The following RTRAF variants were observed in gnomAD, a reference collection of about 807,000 sequenced individuals.
RTRAF encodes the protein RNA transcription, translation and transport factor, also known as tRNA-splicing ligase complex subunit RTRAF.
A neutral mutation model predicts 34.4 loss-of-function variants in RTRAF; 14 were observed. The observed-to-expected ratio is 0.41, with a 90% CI of 0.27 to 0.64. RTRAF has a LOEUF of 0.64. Among genes scored for constraint, RTRAF ranks in the 30% least tolerant of loss-of-function variants. The probability of loss-of-function intolerance (pLI) is 0.34; values close to 1 mark genes in which losing one functional copy is unlikely to be tolerated. For synonymous variants in RTRAF, 96 were observed against 95.3 expected, an observed-to-expected ratio of 1.01 and a Z score of -0.04; for missense variants, 291 against 288.4, an observed-to-expected ratio of 1.01 and a Z score of -0.06.
intron 3 of RTRAF, among the ~76,000 whole-genome samples, chr14:51,995,832 C>T (rs992119701): frequency 2.0e-4 from 31 of 151,550 alleles, no homozygotes; most frequent in African/African-American, 7.3e-4. Context: ...ACTTTTCTTT[C>T]TTTAGAAAAT....
At chr14:52,001,948 G>C in intron 6 of RTRAF, 82 bp downstream of exon 6, 1 of 1,165,660 alleles carries the variant, frequency 8.6e-7, no homozygotes, top group Non-Finnish European at 1.2e-6. Context: ...GCATGTATCT[G>C]TTTAAGATAT....
chr14:52,002,617 T>A (rs910527044), intron 6 of RTRAF, among the ~76,000 whole-genome samples: 2 of 152,164 alleles, frequency 1.3e-5, no homozygotes, highest in East Asian at 3.8e-4. Context: ...ATATCAGAAA[T>A]CCAAAGATGC....
chr14:52,008,544 C>T lies in RTRAF; in HGVS notation c.*4028C>T, dbSNP rs1890883642. ...CTTACACAGCAGTAGGTAACTAATA[C>T]ACAGCCATATTCCACTTTTACCTGT... On this transcript the variant is annotated 3_prime_UTR_variant, in exon 8 of 8. Coordinates refer to ENST00000261700, the MANE Select transcript of RTRAF (RefSeq NM_016039.3). The T allele has an allele frequency of 8.5e-5, 13 of 152,358 alleles. No individual in the cohort carries two copies. The highest frequency in any genetic ancestry group is 8.5e-4 in the Admixed American group (13 of 15,302). 9.4% of individuals were successfully genotyped at this position (152,358 alleles called of 1,614,324 possible).
At chr14:51,989,782 G>A in intron 1 of RTRAF, 82 bp downstream of exon 1, 1 of 1,398,228 alleles carries the variant, frequency 7.2e-7, no homozygotes, top group Non-Finnish European at 9.7e-7. Context: ...CCACCTCCCC[G>A]TCGGGACCCT....
At position 52,004,658 on chromosome 14, in the gene RTRAF, T is replaced by G; in HGVS notation, c.*142T>G. 1 of 693,860 alleles carries G rather than the reference T, an allele frequency of 1.4e-6. No homozygotes were observed. Among genetic ancestry groups the G allele is most frequent in the Non-Finnish European group, 2.3e-6 (1 of 434,846 alleles). 43.0% of individuals were successfully genotyped at this position (693,860 alleles called of 1,614,324 possible). A position where few individuals can be genotyped will look rare whatever the true frequency, so the allele number is the denominator to read the frequency against. ...TGTTCTAGAGATTTACCACCATTGC[T>G]TATTGCTTTTTTCTTTAATAAAGTT... is the stretch of plus-strand genomic sequence containing the variant. On this transcript the variant is annotated 3_prime_UTR_variant, in exon 8 of 8. Transcript: ENST00000261700.
chr14:51,999,913 G>T, intron 5 of RTRAF, 117 bp downstream of exon 5: 1 of 668,304 alleles, frequency 1.5e-6, no homozygotes, highest in Non-Finnish European at 2.5e-6. Flanking sequence ...ATACACAGAA[G>T]AATATGAAAC....
Position 51,998,568 on chromosome 14 carries a change from A to T in RTRAF, c.361A>T (p.Ile121Phe), listed in dbSNP as rs2140329615. 3 of 1,589,858 alleles carry T rather than the reference A, an allele frequency of 1.9e-6. No individual in the cohort carries two copies. The highest frequency in any genetic ancestry group is 1.7e-4 in the Middle Eastern group (1 of 6,008). Residue 121 changes from isoleucine (I) to phenylalanine (F), a missense_variant, in exon 4 of 8, where the codon ATC (isoleucine) becomes TTC (phenylalanine). Ile to Phe is a conservative substitution (Grantham distance 21). Transcript: ENST00000261700. ...TGCAACTAAAAATGCAGAACCATTGATCAATTTGGATGGTGAGTATATAAA... is the reference window on the plus strand; with the variant it reads ...TGCAACTAAAAATGCAGAACCATTGTTCAATTTGGATGGTGAGTATATAAA... ...DNATKNAEPL[I>F]NLDVNNPDFK...
Position 51,989,553 on chromosome 14 carries a change from C to A in RTRAF, c.-87C>A. The A allele has an allele frequency of 2.1e-6, 3 of 1,420,046 alleles. No homozygotes were observed. Among genetic ancestry groups the A allele is most frequent in the Admixed American group, 4.2e-5 (2 of 48,064 alleles). 88.0% of individuals were successfully genotyped at this position (1,420,046 alleles called of 1,614,324 possible). ...ACTCAGCGCCTGCCCGCCCTCTCGC[C>A]GCGTCGCCGGTGCCTGCGCCTCCCG... On this transcript the variant is annotated 5_prime_UTR_variant, in exon 1 of 8. Transcript: ENST00000261700.
chr14:52,006,032 C>CA lies in RTRAF; in HGVS notation c.*1516_*1517insA. The stretch of plus-strand genomic sequence containing the variant: ...CTCTAAATCCATTGCTCATCTCTAG[C>CA]TGCATGTTAGAATCACATGATGAGC... On this transcript the variant is annotated 3_prime_UTR_variant, in exon 8 of 8. Coordinates refer to ENST00000261700, the MANE Select transcript of RTRAF (RefSeq NM_016039.3). The CA allele has an allele frequency of 3.6e-6, 2 of 554,584 alleles. No individual in the cohort carries two copies. Among genetic ancestry groups the CA allele is most frequent in the East Asian group, 5.9e-5 (2 of 34,148 alleles). The allele number at this position is 554,584 out of a possible 1,614,324, so 34.4% of individuals were successfully genotyped here.
Position 52,010,531 on chromosome 14 carries a change from T to A in RTRAF, c.*6015T>A, listed in dbSNP as rs1192286465. The A allele has an allele frequency of 1.1e-5, 2 of 180,002 alleles. No individual in the cohort carries two copies. The highest frequency in any genetic ancestry group is 1.1e-4 in the Admixed American group (2 of 18,204). 11.2% of individuals were successfully genotyped at this position (180,002 alleles called of 1,614,324 possible). A position where few individuals can be genotyped will look rare whatever the true frequency, so the allele number is the denominator to read the frequency against. ...AATGTGCTGCTGGAGGAATCCCACT[T>A]CACTTCCAGTTTAAGTGTCAGCTGA... On this transcript the variant is annotated 3_prime_UTR_variant, in exon 8 of 8. Coordinates refer to ENST00000261700, the MANE Select transcript of RTRAF (RefSeq NM_016039.3).
chr14:52,004,296 G>T, intron 7 of RTRAF, 54 bp downstream of exon 7: 2 of 1,417,322 alleles, frequency 1.4e-6, no homozygotes, highest in Non-Finnish European at 1.9e-6. Context: ...GAATACTTGG[G>T]AGGAAATAAA....
chr14:51,995,647 T>G (rs1302468673), intron 3 of RTRAF, among the ~76,000 whole-genome samples: 1 of 152,122 alleles, frequency 6.6e-6, no homozygotes, highest in Non-Finnish European at 1.5e-5. Flanking sequence ...CTTATCAATT[T>G]CAGTAATGTG....
Position 52,007,675 on chromosome 14 carries a change from T to G in RTRAF, c.*3159T>G. 2.5e-6 allele frequency: 2 copies of G among 802,402 alleles called. No homozygotes were observed. The highest frequency in any genetic ancestry group is 4.1e-6 in the Non-Finnish European group (2 of 488,906). The allele number at this position is 802,402 out of a possible 1,614,324, so 49.7% of individuals were successfully genotyped here. A position where few individuals can be genotyped will look rare whatever the true frequency, so the allele number is the denominator to read the frequency against. ...AAGACTCATTTACTAGTACTTAAAT[T>G]TACTAGTACTTAAAAGTTTACAGAC... On this transcript the variant is annotated 3_prime_UTR_variant, in exon 8 of 8. Transcript: ENST00000261700.
chr14:51,996,835 T>A (rs1890528877), intron 3 of RTRAF, among the ~76,000 whole-genome samples: 1 of 152,066 alleles, frequency 6.6e-6, no homozygotes, highest in Non-Finnish European at 1.5e-5. Context: ...AGAGCAATCC[T>A]GGATTATGCA....
chr14:51,990,195 A>G (rs1012895643), intron 1 of RTRAF, among the ~76,000 whole-genome samples: 13 of 152,232 alleles, frequency 8.5e-5, no homozygotes, highest in Admixed American at 2.0e-4. Context: ...CAATGAAATC[A>G]GGACCGATCA....
chr14:51,991,066 G>A (rs1890426453), intron 1 of RTRAF, among the ~76,000 whole-genome samples: 1 of 152,160 alleles, frequency 6.6e-6, no homozygotes, highest in Admixed American at 6.5e-5. Flanking sequence ...AGAGTCTGAG[G>A]CACAGAAAAT....
At chr14:52,003,953 A>G in intron 6 of RTRAF, 1 of 505,824 alleles carries the variant, frequency 2.0e-6, no homozygotes, top group Non-Finnish European at 3.5e-6. Flanking sequence ...AAAGGATTGG[A>G]TGAGCTATAG....
At chr14:52,001,699 G>A in intron 5 of RTRAF, 99 bp from the exon 6 acceptor site, 1 of 862,150 alleles carries the variant, frequency 1.2e-6, no homozygotes, top group Non-Finnish European at 1.8e-6. Context: ...AGGTAATTCT[G>A]ACTTCATCAA....
In RTRAF at chr14:52,005,616, C is replaced by T. The variant is rs1395830020; in HGVS notation, c.*1100C>T. On this transcript the variant is annotated 3_prime_UTR_variant, in exon 8 of 8. Transcript: ENST00000261700. The stretch of plus-strand genomic sequence containing the variant: ...GTAGATTTAAGGTAGTAAAGACTGG[C>T]CCTCAGGGCAGGAAGAAGGCAATGG... The T allele has an allele frequency of 1.4e-6, 2 of 1,430,560 alleles. No homozygotes were observed. Among genetic ancestry groups the T allele is most frequent in the Non-Finnish European group, 2.0e-6 (2 of 1,020,360 alleles). 88.6% of individuals were successfully genotyped at this position (1,430,560 alleles called of 1,614,324 possible). A position where few individuals can be genotyped will look rare whatever the true frequency, so the allele number is the denominator to read the frequency against.
Sources: gnomAD v4.1 joint callset for allele counts (sites outside exome capture counted in the v4.1 genomes callset) on GRCh38, gnomAD v4.1.1 for gene constraint, MANE v1.5 for transcripts, NCBI Gene and HGNC (gene_info 2026-07-23, HGNC 2026-07-21) for gene names.